The following L3MBTL4 variants were observed in gnomAD, a reference collection of about 807,000 sequenced individuals.
The protein encoded by L3MBTL4 is lethal(3)malignant brain tumor-like protein 4.
In L3MBTL4, 70 loss-of-function variants were observed where a neutral mutation model predicts 84.5. The observed-to-expected ratio is 0.83, with a 90% confidence interval of 0.68 to 1.01. The LOEUF (loss-of-function observed/expected upper bound fraction) is 1.01, where lower values mean the gene tolerates loss of function less well. Among genes scored for constraint, L3MBTL4 ranks in the 50% least tolerant of loss-of-function variants. The pLI is 0.00. For synonymous variants in L3MBTL4, 274 were observed against 259.8 expected (o/e 1.05, Z -0.52); for missense variants, 715 against 754.8 (o/e 0.95, Z 0.62).
intron 1 of L3MBTL4, among the ~76,000 whole-genome samples, chr18:6,409,937 C>A (rs980238941): frequency 6.6e-6 from 1 of 152,184 alleles, no homozygotes; most frequent in Non-Finnish European, 1.5e-5. Flanking sequence ...AATTCGCCTA[C>A]CCTCTAACCC....
chr18:6,376,503 T>C (rs1487973498), intron 1 of L3MBTL4, among the ~76,000 whole-genome samples: 1 of 151,690 alleles, frequency 6.6e-6, no homozygotes, highest in Non-Finnish European at 1.5e-5. Context: ...CTTTGGGAGG[T>C]TGAAGTGGGA....
chr18:6,100,356 CTTT>C (rs1424976816), intron 14 of L3MBTL4, among the ~76,000 whole-genome samples: 10 of 152,072 alleles, frequency 6.6e-5, no homozygotes, highest in Admixed American at 6.5e-4. Context: ...TTTGGTTCTT[CTTT>C]TATTTTCCAT....
chr18:6,072,921 T>C lies in L3MBTL4; in HGVS notation c.1444+7960A>G, dbSNP rs1277764399. Among the ~76,000 whole-genome samples the C allele has an allele frequency of 7.4e-4, 68 of 91,290 alleles. 4 individuals are homozygous for C. The highest frequency in any genetic ancestry group is 3.1e-3 in the African/African-American group (66 of 21,410). The allele number at this position is 91,290 out of a possible 152,430, so 59.9% of individuals were successfully genotyped here. Reference sequence around the variant, plus strand: ...ATATATATATATATATATATATATATATATACACACATACATATTTAAAAA... The same window carrying C: ...ATATATATATATATATATATATATACATATACACACATACATATTTAAAAA... On this transcript the variant is annotated intron_variant, in intron 16 of 18. Transcript: ENST00000317931.
chr18:6,155,272 C>T (rs576407330), intron 13 of L3MBTL4, among the ~76,000 whole-genome samples: 11 of 152,154 alleles, frequency 7.2e-5, no homozygotes, highest in East Asian at 1.9e-4. Context: ...AAGCACTGAA[C>T]GCAAATAAAA....
intron 13 of L3MBTL4, among the ~76,000 whole-genome samples, chr18:6,154,037 G>A (rs2042999359): frequency 6.6e-6 from 1 of 152,154 alleles, no homozygotes; most frequent in Non-Finnish European, 1.5e-5. Context: ...TTTCTAATGT[G>A]AATGCCTTTC....
intron 16 of L3MBTL4, among the ~76,000 whole-genome samples, chr18:6,043,824 C>T (rs1430965600): frequency 6.6e-6 from 1 of 152,178 alleles, no homozygotes; most frequent in East Asian, 1.9e-4. Flanking sequence ...AATGCAAATA[C>T]AGATCTATGT....
At chr18:6,151,344 T>G (rs1286131345) in intron 13 of L3MBTL4, among the ~76,000 whole-genome samples, 1 of 152,206 alleles carries the variant, frequency 6.6e-6, no homozygotes. Context: ...CTTTTTTGAC[T>G]CTGCTATGAT....
At chr18:6,032,374 A>C in intron 16 of L3MBTL4, 1 of 739,906 alleles carries the variant, frequency 1.4e-6, no homozygotes. Flanking sequence ...CTGCGTTTTC[A>C]TGAAATATGT....
chr18:6,262,396 G>C (rs540010377), intron 5 of L3MBTL4, among the ~76,000 whole-genome samples: 4 of 152,184 alleles, frequency 2.6e-5, no homozygotes, highest in Admixed American at 2.0e-4. Flanking sequence ...GGCACTGCCG[G>C]GATACATGTA....
intron 1 of L3MBTL4, among the ~76,000 whole-genome samples, chr18:6,347,439 A>C (rs1019692923): frequency 6.6e-6 from 1 of 151,790 alleles, no homozygotes; most frequent in East Asian, 1.9e-4. Context: ...TATAGTGATA[A>C]TGTTTTCATA....
At chr18:6,054,081 T>C (rs1364875459) in intron 16 of L3MBTL4, among the ~76,000 whole-genome samples, 3 of 152,180 alleles carry the variant, frequency 2.0e-5, no homozygotes, top group Non-Finnish European at 1.5e-5. Context: ...TCAATGCTTT[T>C]GTGTGTTTGT....
rs572458944 is a variant in L3MBTL4, at chr18:6,233,745, G to A, written c.784+4219C>T. Among the ~76,000 whole-genome samples, 4 of 152,158 alleles carry A rather than the reference G, an allele frequency of 2.6e-5. No homozygotes were observed. The South Asian group carries it at 8.3e-4, about 32-fold the overall frequency. The stretch of plus-strand genomic sequence containing the variant: ...TCGTGAAAATGGCCATACTGCCCCA[G>A]GTAATTTACAGATTCAATGCCATCC... On this transcript the variant is annotated intron_variant, in intron 10 of 18. Transcript: ENST00000317931.
At chr18:6,071,744 G>A (rs201419129) in intron 16 of L3MBTL4, among the ~76,000 whole-genome samples, 5,648 of 38,274 alleles carry the variant, frequency 0.15, 178 homozygotes, top group Admixed American at 0.23. Flanking sequence ...AAAGAAGGAA[G>A]GAAAGAAAGA....
chr18:6,346,912 T>C (rs1215034867), intron 1 of L3MBTL4, among the ~76,000 whole-genome samples: 1 of 152,144 alleles, frequency 6.6e-6, no homozygotes, highest in Non-Finnish European at 1.5e-5. Context: ...ATAGCCAAGA[T>C]GTGGAAACAA....
At chr18:5,985,639 AG>A (rs1348029371) in intron 16 of L3MBTL4, among the ~76,000 whole-genome samples, 1 of 152,194 alleles carries the variant, frequency 6.6e-6, no homozygotes, top group Non-Finnish European at 1.5e-5. Flanking sequence ...TTATAAAGGA[AG>A]GTTCTTAACA....
intron 14 of L3MBTL4, among the ~76,000 whole-genome samples, chr18:6,122,628 C>A (rs112106484): frequency 1.8e-4 from 28 of 152,162 alleles, no homozygotes; most frequent in African/African-American, 6.3e-4. Flanking sequence ...TCAAATTAAA[C>A]CCTCCTTCTT....
intron 16 of L3MBTL4, among the ~76,000 whole-genome samples, chr18:5,987,787 C>G (rs2053530745): frequency 6.6e-6 from 1 of 151,864 alleles, no homozygotes; most frequent in South Asian, 2.1e-4. Flanking sequence ...GTGAAGTGAA[C>G]TGATAAACTG....
rs115776237 is a variant in L3MBTL4, at chr18:6,125,958, G to A, written c.1199+12236C>T. Among the ~76,000 whole-genome samples the A allele has an allele frequency of 6.5e-3, 990 of 152,176 alleles. 8 individuals are homozygous for A. The highest frequency in any genetic ancestry group is 0.022 in the African/African-American group (923 of 41,500). ...ATCCAGACCAAAGACACGAATTTAT[G>A]GACAAAATAATATGTGGACCAATCA... On this transcript the variant is annotated intron_variant, in intron 14 of 18. Coordinates refer to ENST00000317931, the MANE Select transcript of L3MBTL4 (RefSeq NM_001330559.2).
intron 1 of L3MBTL4, among the ~76,000 whole-genome samples, chr18:6,360,622 T>C (rs1158020101): frequency 6.6e-6 from 1 of 152,120 alleles, no homozygotes; most frequent in Non-Finnish European, 1.5e-5. Flanking sequence ...CAAATCATAA[T>C]CCCCAATGTG....
Sources: allele counts gnomAD v4.1 joint callset (sites outside exome capture counted in the v4.1 genomes callset), GRCh38; gene constraint gnomAD v4.1.1; transcripts MANE v1.5; gene names NCBI Gene and HGNC (gene_info 2026-07-23, HGNC 2026-07-21).